The following PTPRK variants were observed in gnomAD, a reference collection of about 807,000 sequenced individuals.
The protein encoded by PTPRK is protein tyrosine phosphatase receptor type K, also known as receptor-type tyrosine-protein phosphatase kappa.
In PTPRK, 75 loss-of-function variants were observed where a neutral mutation model predicts 178.0. The ratio of observed to expected loss-of-function variants is 0.42; its 90% CI spans 0.35 to 0.51. The LOEUF (loss-of-function observed/expected upper bound fraction) is 0.51, where lower values mean the gene tolerates loss of function less well. Among genes scored for constraint, PTPRK ranks in the 20% least tolerant of loss-of-function variants. The pLI, the probability that PTPRK is intolerant of heterozygous loss-of-function variation, is 0.02. For synonymous variants in PTPRK, 637 were observed against 620.6 expected (o/e 1.03, Z -0.39); for missense variants, 1,441 against 1,797.8 (o/e 0.80, Z 3.59).
chr6:127,971,586 A>C (rs1222745473), intron 29 of PTPRK, among the ~76,000 whole-genome samples: 6 of 152,202 alleles, frequency 3.9e-5, no homozygotes, highest in Non-Finnish European at 7.3e-5. Flanking sequence ...TCAACTCCAC[A>C]GCTCACTAAA....
chr6:128,220,228 A>T (rs941813522), intron 5 of PTPRK, among the ~76,000 whole-genome samples: 4 of 152,234 alleles, frequency 2.6e-5, no homozygotes. Flanking sequence ...ATCAAGGAAT[A>T]AATAGCCAGA....
chr6:127,981,032 C>A, intron 25 of PTPRK, 84 bp downstream of exon 25: 1 of 1,268,316 alleles, frequency 7.9e-7, no homozygotes, highest in Non-Finnish European at 1.1e-6. Flanking sequence ...TTTTAATTTC[C>A]TCGAAAAGAA....
At chr6:127,987,506 A>G (rs1776116190) in intron 21 of PTPRK, among the ~76,000 whole-genome samples, 1 of 151,996 alleles carries the variant, frequency 6.6e-6, no homozygotes, top group Non-Finnish European at 1.5e-5. Context: ...ATTTAGTAAT[A>G]TTTTCTTACT....
intron 7 of PTPRK, among the ~76,000 whole-genome samples, chr6:128,149,173 G>A (rs148788716): frequency 0.043 from 5,005 of 116,950 alleles, 123 homozygotes; most frequent in Middle Eastern, 0.14. Context: ...TCGTGGGGTG[G>A]GGGGAGGGGG....
At chr6:128,011,705 G>A (rs901458504) in intron 13 of PTPRK, among the ~76,000 whole-genome samples, 1 of 151,034 alleles carries the variant, frequency 6.6e-6, no homozygotes, top group East Asian at 1.9e-4. Flanking sequence ...AAACTCAGGG[G>A]ATGAAGACAT....
chr6:128,018,979 G>T (rs76228178), intron 13 of PTPRK, among the ~76,000 whole-genome samples: 1,556 of 152,182 alleles, frequency 0.01, 34 homozygotes, highest in African/African-American at 0.035. Flanking sequence ...GAAGAATATG[G>T]TAAGTACTCA....
At chr6:127,995,612 TA>T (rs1777065102) in intron 17 of PTPRK, 74 bp from the exon 18 acceptor site, 2 of 905,398 alleles carry the variant, frequency 2.2e-6, no homozygotes, top group Non-Finnish European at 3.3e-6. Flanking sequence ...TGGTAGAGAC[TA>T]AAGAATTCAG....
At chr6:128,219,914 T>A (rs547377973) in intron 5 of PTPRK, among the ~76,000 whole-genome samples, 3 of 152,342 alleles carry the variant, frequency 2.0e-5, no homozygotes, top group Non-Finnish European at 4.4e-5. Context: ...AACCAAAATC[T>A]GTACTCTTTG....
intron 1 of PTPRK, among the ~76,000 whole-genome samples, chr6:128,488,550 G>A (rs1350103273): frequency 6.6e-6 from 1 of 152,196 alleles, no homozygotes; most frequent in Non-Finnish European, 1.5e-5. Context: ...GGAGCCAATA[G>A]AATACGCGAT....
At position 127,983,386 on chromosome 6, in the gene PTPRK, C is replaced by T. The variant is rs79757627; in HGVS notation, c.3252-9G>A. The stretch of plus-strand genomic sequence containing the variant: ...TTCGTCCAGCACCAGCACTGAAAAA[C>T]AATTAAATTTAATGAATTGTAAGAA... On this transcript the variant is annotated splice_polypyrimidine_tract_variant and intron_variant, in intron 22 of 29. Coordinates refer to ENST00000368226, the MANE Select transcript of PTPRK (RefSeq NM_002844.4). 4 of 1,610,434 alleles carry T rather than the reference C, an allele frequency of 2.5e-6. No homozygotes were observed. The highest frequency in any genetic ancestry group is 3.4e-6 in the Non-Finnish European group (4 of 1,178,558).
At chr6:127,987,575 T>TATAAA (rs1195917225) in intron 21 of PTPRK, among the ~76,000 whole-genome samples, 48 of 152,276 alleles carry the variant, frequency 3.2e-4, no homozygotes, top group African/African-American at 1.1e-3. Flanking sequence ...GCAGATTTGG[T>TATAAA]CATTTAAATA....
chr6:128,422,546 T>A (rs1408034022), intron 1 of PTPRK, among the ~76,000 whole-genome samples: 2 of 152,082 alleles, frequency 1.3e-5, no homozygotes, highest in East Asian at 3.9e-4. Context: ...ATATATTCTT[T>A]TTTTCCCTTC....
chr6:128,464,600 AAT>A (rs1172289838), intron 1 of PTPRK, among the ~76,000 whole-genome samples: 26 of 118,640 alleles, frequency 2.2e-4, no homozygotes, highest in South Asian at 5.6e-4. Flanking sequence ...TTTTAGTTTA[AAT>A]ATATATATAT....
chr6:127,990,454 A>G (rs1776476106), intron 21 of PTPRK, among the ~76,000 whole-genome samples: 1 of 152,118 alleles, frequency 6.6e-6, no homozygotes, highest in Non-Finnish European at 1.5e-5. Flanking sequence ...CTGCCTAAAT[A>G]ATATTCCCTA....
intron 11 of PTPRK, among the ~76,000 whole-genome samples, chr6:128,074,200 A>T (rs1398295337): frequency 2.6e-5 from 4 of 152,190 alleles, no homozygotes; most frequent in Non-Finnish European, 5.9e-5. Flanking sequence ...TGTTCTCCAC[A>T]AAACAAAGTA....
At position 128,247,692 on chromosome 6, in the gene PTPRK, G is replaced by C. The variant is rs1386666226; in HGVS notation, c.496-5090C>G. 2.6e-5 allele frequency among the ~76,000 whole-genome samples: 4 copies of C among 152,148 alleles called. No individual in the cohort carries two copies. In the South Asian group the frequency reaches 8.3e-4, roughly 32 times the overall value. Reference sequence around the variant, plus strand: ...TCAATTTCTTCTTCTATAAAGGAAAGTTTATAGGGAAGATTAAATGAGATA... The same window carrying C: ...TCAATTTCTTCTTCTATAAAGGAAACTTTATAGGGAAGATTAAATGAGATA... On this transcript the variant is annotated intron_variant, in intron 3 of 29. Coordinates refer to ENST00000368226, the MANE Select transcript of PTPRK (RefSeq NM_002844.4).
intron 1 of PTPRK, among the ~76,000 whole-genome samples, chr6:128,460,293 C>T (rs1004472738): frequency 6.6e-6 from 1 of 151,956 alleles, no homozygotes; most frequent in Non-Finnish European, 1.5e-5. Context: ...CCTGTAATCC[C>T]AGCACTTTGG....
chr6:128,321,525 C>A, intron 3 of PTPRK: 1 of 363,712 alleles, frequency 2.7e-6, no homozygotes, highest in Non-Finnish European at 4.9e-6. Context: ...TTAATTTATT[C>A]AATTAATTAA....
At chr6:128,021,831 G>C (rs1040793424) in intron 13 of PTPRK, among the ~76,000 whole-genome samples, 1 of 152,186 alleles carries the variant, frequency 6.6e-6, no homozygotes, top group Non-Finnish European at 1.5e-5. Context: ...CCAATGTATA[G>C]AGTTGGGGAA....
Sources: gnomAD v4.1 joint callset for allele counts (sites outside exome capture counted in the v4.1 genomes callset) on GRCh38, gnomAD v4.1.1 for gene constraint, MANE v1.5 for transcripts, NCBI Gene and HGNC (gene_info 2026-07-23, HGNC 2026-07-21) for gene names.